USH2A: variants seen among roughly 807,000 people sequenced by gnomAD.
USH2A encodes the protein usherin.
In USH2A, 443 loss-of-function variants were observed where a neutral mutation model predicts 538.9. The observed-to-expected ratio is 0.82, with a 90% CI of 0.76 to 0.89. The LOEUF is 0.89. Ranked by LOEUF, USH2A falls within the 40% of genes least tolerant of loss-of-function variation. The pLI, the probability that USH2A is intolerant of heterozygous loss-of-function variation, is 0.00. For missense variants in USH2A, 6,633 were observed against 6,324.8 expected (o/e 1.05, Z -1.65); for synonymous variants, 2,413 against 2,273.5 (o/e 1.06, Z -1.75).
At chr1:215,645,910 A>G (rs892671646) in intron 67 of USH2A, among the ~76,000 whole-genome samples, 1 of 152,148 alleles carries the variant, frequency 6.6e-6, no homozygotes, top group Non-Finnish European at 1.5e-5. Context: ...CATCATATTT[A>G]TTAATGGGAA....
At chr1:216,273,793 C>T (rs781123137) in intron 11 of USH2A, among the ~76,000 whole-genome samples, 80 of 147,658 alleles carry the variant, frequency 5.4e-4, no homozygotes, top group Non-Finnish European at 1.0e-3. Context: ...AATGCTTACC[C>T]CAAATTGTCC....
intron 32 of USH2A, among the ~76,000 whole-genome samples, chr1:216,031,007 C>A (rs577693588): frequency 7.3e-5 from 11 of 151,630 alleles, no homozygotes; most frequent in Non-Finnish European, 1.3e-4. Flanking sequence ...CTTGTATATC[C>A]AACACAACTG....
In USH2A at chr1:216,046,546, A is replaced by G. The variant is rs2030530378; in HGVS notation, c.6210T>C (p.Ser2070=). The G allele has an allele frequency of 6.2e-7, 1 of 1,613,782 alleles. No individual in the cohort carries two copies. Among genetic ancestry groups the G allele is most frequent in the Non-Finnish European group, 8.5e-7 (1 of 1,179,830 alleles). Residue 2070 remains serine (S), a synonymous_variant, in exon 32 of 72, where the codon TCT becomes TCC. Coordinates refer to ENST00000307340, the MANE Select transcript of USH2A (RefSeq NM_206933.4). The stretch of plus-strand genomic sequence containing the variant: ...TGGGTGGGTTCCAGGAGAGCAGCAA[A>G]GAACTGGGAAGGGATTTGGCTACTG... ...QPPVAKSLPS[S]LLLSWNPPKK... is the part of the protein sequence containing the mutation.
chr1:216,150,832 C>A (rs1266702560), intron 21 of USH2A, among the ~76,000 whole-genome samples: 1 of 152,190 alleles, frequency 6.6e-6, no homozygotes, highest in Non-Finnish European at 1.5e-5. Context: ...CCTGGGTAAC[C>A]TTTCACCTTC....
chr1:215,964,184 G>T (rs369227077), intron 37 of USH2A, among the ~76,000 whole-genome samples: 3 of 152,092 alleles, frequency 2.0e-5, no homozygotes, highest in Non-Finnish European at 4.4e-5. Context: ...CTGCCTTGGC[G>T]GAAATAGCTG....
chr1:216,385,606 C>A (rs2038991438), intron 3 of USH2A, among the ~76,000 whole-genome samples: 1 of 152,104 alleles, frequency 6.6e-6, no homozygotes, highest in South Asian at 2.1e-4. Flanking sequence ...ACAGATAATG[C>A]CAAGCTACCT....
chr1:216,196,433 A>C lies in USH2A; in HGVS notation c.4251+120T>G, dbSNP rs962524528. The C allele has an allele frequency of 5.5e-6, 6 of 1,084,288 alleles. No homozygotes were observed. The East Asian group carries it at 1.5e-4, about 27-fold the overall frequency. The allele number at this position is 1,084,288 out of a possible 1,614,324, so 67.2% of individuals were successfully genotyped here. A position where few individuals can be genotyped will look rare whatever the true frequency, so the allele number is the denominator to read the frequency against. On this transcript the variant is annotated intron_variant, in intron 19 of 71. Transcript: ENST00000307340. ...GTACACATAATATTATATTAAGAAA[A>C]AATGCCCTGTTTAATCAATATAGAG...
chr1:216,322,539 C>T (rs190733194), intron 8 of USH2A, among the ~76,000 whole-genome samples: 8 of 145,394 alleles, frequency 5.5e-5, no homozygotes, highest in African/African-American at 7.8e-5. Context: ...GCCCAGAAGT[C>T]GAGGTTGCAA....
chr1:216,000,655 G>A, intron 32 of USH2A, 93 bp from the exon 33 acceptor site: 1 of 1,473,496 alleles, frequency 6.8e-7, no homozygotes, highest in Non-Finnish European at 9.5e-7. Context: ...TCAGAGAATT[G>A]TTAAGATAAG....
intron 9 of USH2A, among the ~76,000 whole-genome samples, chr1:216,308,821 T>C (rs1268455007): frequency 6.6e-6 from 1 of 152,216 alleles, no homozygotes; most frequent in Non-Finnish European, 1.5e-5. Context: ...CAGTAATGTC[T>C]GTTTTGCCTA....
chr1:215,767,796 T>C (rs1661173956), intron 55 of USH2A, among the ~76,000 whole-genome samples: 1 of 152,160 alleles, frequency 6.6e-6, no homozygotes, highest in Non-Finnish European at 1.5e-5. Flanking sequence ...TATTTCATTC[T>C]AGCAGAAGCA....
intron 35 of USH2A, among the ~76,000 whole-genome samples, chr1:215,974,219 C>A (rs1667566297): frequency 6.6e-6 from 1 of 152,112 alleles, no homozygotes; most frequent in Admixed American, 6.6e-5. Flanking sequence ...ATTTTAACTT[C>A]ATTGACCTCA....
chr1:216,077,492 T>A (rs1293281062), intron 27 of USH2A, among the ~76,000 whole-genome samples: 1 of 151,218 alleles, frequency 6.6e-6, no homozygotes, highest in Non-Finnish European at 1.5e-5. Context: ...GCATACCAAC[T>A]TAATTTATTT....
intron 47 of USH2A, among the ~76,000 whole-genome samples, chr1:215,833,900 C>T (rs181251311): frequency 1.1e-4 from 17 of 152,066 alleles, no homozygotes; most frequent in African/African-American, 4.1e-4. Context: ...TTGGAGATAC[C>T]ATTTCCCAGA....
rs747385485 is a variant in USH2A, at chr1:215,866,972, CAA to C, written c.8845+33_8845+34del. 5.1e-5 allele frequency: 83 copies of C among 1,613,840 alleles called. No homozygotes were observed. The East Asian group carries it at 1.6e-3, about 30-fold the overall frequency. On this transcript the variant is annotated intron_variant, in intron 44 of 71. Coordinates refer to ENST00000307340, the MANE Select transcript of USH2A (RefSeq NM_206933.4). Reference sequence around the variant, plus strand: ...GAAAGAATATGCTTTTAAAAATACACAAAGTGTTAACACAGGTATGAGAAGCT... The same window carrying C: ...GAAAGAATATGCTTTTAAAAATACACAGTGTTAACACAGGTATGAGAAGCT...
rs374416177 is a variant in USH2A, at chr1:216,196,502, A to T, written c.4251+51T>A. On this transcript the variant is annotated intron_variant, in intron 19 of 71. Coordinates refer to ENST00000307340, the MANE Select transcript of USH2A (RefSeq NM_206933.4). Reference sequence around the variant, plus strand: ...ATTCTGCAAACTCAAAAAATGTCCAAATGAAGCCCTAAGCCAATTCTGAAA... The same window carrying T: ...ATTCTGCAAACTCAAAAAATGTCCATATGAAGCCCTAAGCCAATTCTGAAA... The T allele has an allele frequency of 4.0e-5, 64 of 1,606,984 alleles. No individual in the cohort carries two copies. The African/African-American group carries it at 6.8e-4, about 17-fold the overall frequency.
In USH2A at chr1:215,700,817, C is replaced by T. The variant is rs112178695; in HGVS notation, c.12067-20441G>A. 5.7e-3 allele frequency among the ~76,000 whole-genome samples: 865 copies of T among 152,114 alleles called. 14 individuals carry two copies. Among genetic ancestry groups the T allele is most frequent in the African/African-American group, 0.02 (824 of 41,488 alleles). Reference sequence around the variant, plus strand: ...CATGTCTCTATCTTCTTCAGTTCTGCTCTCGTCTTAATTATTTCTTGTCTT... The same window carrying T: ...CATGTCTCTATCTTCTTCAGTTCTGTTCTCGTCTTAATTATTTCTTGTCTT... On this transcript the variant is annotated intron_variant, in intron 61 of 71. Coordinates refer to ENST00000307340, the MANE Select transcript of USH2A (RefSeq NM_206933.4).
At chr1:216,337,661 G>C (rs973967689) in intron 4 of USH2A, among the ~76,000 whole-genome samples, 10 of 151,092 alleles carry the variant, frequency 6.6e-5, no homozygotes. Flanking sequence ...GATTGTTAAA[G>C]GAATGTCTAG....
At chr1:216,084,620 C>A (rs1240610206) in intron 25 of USH2A, 78 bp downstream of exon 25, 3 of 1,524,858 alleles carry the variant, frequency 2.0e-6, no homozygotes, top group African/African-American at 1.4e-5. Flanking sequence ...TCAAGTTAAT[C>A]AAACAGGAGA....
Sources: gnomAD v4.1 joint callset for allele counts (sites outside exome capture counted in the v4.1 genomes callset) on GRCh38, gnomAD v4.1.1 for gene constraint, MANE v1.5 for transcripts, NCBI Gene and HGNC (gene_info 2026-07-23, HGNC 2026-07-21) for gene names.